DNAH17: variants seen among roughly 807,000 people sequenced by gnomAD.
DNAH17 encodes dynein axonemal heavy chain 17.
A neutral mutation model predicts 485.6 loss-of-function variants in DNAH17; 376 were observed. The ratio of observed to expected loss-of-function variants is 0.77; its 90% CI spans 0.71 to 0.84. The LOEUF (loss-of-function observed/expected upper bound fraction) is 0.84. Among genes scored for constraint, DNAH17 ranks in the 40% least tolerant of loss-of-function variants. The pLI, the probability that DNAH17 is intolerant of heterozygous loss-of-function variation, is 0.00. For synonymous variants in DNAH17, 3,031 were observed against 2,405.9 expected (o/e 1.26, Z -7.60); for missense variants, 6,370 against 5,839.3 (o/e 1.09, Z -2.96).
chr17:78,494,295 C>A, intron 40 of DNAH17, 122 bp from the exon 41 acceptor site: 1 of 1,384,496 alleles, frequency 7.2e-7, no homozygotes, highest in Non-Finnish European at 9.6e-7. Context: ...CCCTCCGATG[C>A]ACGTGCGTCT....
chr17:78,546,656 A>G (rs2091771549), intron 16 of DNAH17, among the ~76,000 whole-genome samples: 1 of 152,234 alleles, frequency 6.6e-6, no homozygotes, highest in African/African-American at 2.4e-5. Context: ...CCGTAATCTC[A>G]GAACTTTGGC....
At chr17:78,513,834 G>T (rs911229476) in intron 26 of DNAH17, among the ~76,000 whole-genome samples, 1 of 152,184 alleles carries the variant, frequency 6.6e-6, no homozygotes, top group Non-Finnish European at 1.5e-5. Flanking sequence ...TTCCTCTGCT[G>T]TAATTGTCAG....
At chr17:78,428,187 G>A in intron 77 of DNAH17, 2 of 394,498 alleles carry the variant, frequency 5.1e-6, no homozygotes, top group Non-Finnish European at 9.7e-6. Flanking sequence ...GGCCAGGCCA[G>A]GGTGGGGAAT....
chr17:78,426,506 G>GT lies in DNAH17; in HGVS notation c.12865_12866insA (p.Ser4289TyrfsTer105). 3.1e-6 allele frequency: 5 copies of GT among 1,613,424 alleles called. No homozygotes were observed. The highest frequency in any genetic ancestry group is 4.2e-6 in the Non-Finnish European group (5 of 1,179,620). ...GTACCAGGCCGCCAGGCCCATCATG[G>GT]AGGGGTAGGCCCGGGCCACCCACGT... is the stretch of plus-strand genomic sequence containing the variant. On this transcript the variant is annotated frameshift_variant, in exon 79 of 81. Transcript: ENST00000389840. LOFTEE classifies it high-confidence loss of function.
intron 56 of DNAH17, among the ~76,000 whole-genome samples, chr17:78,466,213 A>T (rs2088444950): frequency 6.6e-6 from 1 of 152,146 alleles, no homozygotes; most frequent in African/African-American, 2.4e-5. Context: ...GTGCTTTGTT[A>T]AACAGATGCT....
In DNAH17 at chr17:78,448,230, C is replaced by T. The variant is rs533317030; in HGVS notation, c.11211+1184G>A. Among the ~76,000 whole-genome samples the T allele has an allele frequency of 4.0e-5, 6 of 151,786 alleles. No individual in the cohort carries two copies. The South Asian group carries it at 1.2e-3, about 32-fold the overall frequency. The stretch of plus-strand genomic sequence containing the variant: ...AAAAAAAAAAATTAGCTAGGCACAG[C>T]AGTGTACACTTGTATTCCCAGCTAC... On this transcript the variant is annotated intron_variant, in intron 69 of 80. Transcript: ENST00000389840.
chr17:78,480,871 CCTT>C (rs1158206952), intron 48 of DNAH17, 85 bp from the exon 49 acceptor site: 15 of 900,870 alleles, frequency 1.7e-5, no homozygotes, highest in Middle Eastern at 3.2e-4. Flanking sequence ...AGAATGCCCT[CCTT>C]ATTATTATTT....
At chr17:78,490,650 C>A (rs376334772) in intron 44 of DNAH17, 49 bp downstream of exon 44, 12 of 1,559,032 alleles carry the variant, frequency 7.7e-6, no homozygotes. Context: ...CCAACAAGTT[C>A]GTTTTTCCCT....
At chr17:78,504,471 A>ACCACCCCACCCACCCCAC (rs36208944) in intron 31 of DNAH17, among the ~76,000 whole-genome samples, 1 of 150,152 alleles carries the variant, frequency 6.7e-6, no homozygotes, top group South Asian at 2.1e-4. Context: ...AGATGCTGTC[A>ACCACCCCACCCACCCCAC]CCACCCCACC....
intron 55 of DNAH17, among the ~76,000 whole-genome samples, chr17:78,468,173 T>TA (rs2088574137): frequency 1.3e-5 from 2 of 150,962 alleles, no homozygotes; most frequent in South Asian, 4.2e-4. Context: ...AAAAAAATAA[T>TA]AAAAAATAAT....
rs1253191217 is a variant in DNAH17 at position 78,506,613 on chromosome 17, A to G, written c.4803+107T>C. ...GAGGGCCTCCTGGAGATGATGGGGCACGTCCAAGGACACTTACCCCACCCT... is the reference window on the plus strand; with the variant it reads ...GAGGGCCTCCTGGAGATGATGGGGCGCGTCCAAGGACACTTACCCCACCCT... On this transcript the variant is annotated intron_variant, in intron 30 of 80. Transcript: ENST00000389840. The G allele has an allele frequency of 6.0e-6, 9 of 1,505,748 alleles. No homozygotes were observed. The African/African-American group carries it at 1.1e-4, about 18-fold the overall frequency. 93.3% of individuals were successfully genotyped at this position (1,505,748 alleles called of 1,614,324 possible).
rs1598534063 is a variant in DNAH17 at position 78,478,912 on chromosome 17, C to A, written c.7992+113G>T. The A allele has an allele frequency of 3.8e-6, 3 of 792,952 alleles. No homozygotes were observed. In the South Asian group the frequency reaches 5.2e-5, roughly 14 times the overall value. 49.1% of individuals were successfully genotyped at this position (792,952 alleles called of 1,614,324 possible). A position where few individuals can be genotyped will look rare whatever the true frequency, so the allele number is the denominator to read the frequency against. Reference sequence around the variant, plus strand: ...ATTATTATCATCATTATCATTACCACCATCACCACCATCATCAGTCCACAC... The same window carrying A: ...ATTATTATCATCATTATCATTACCAACATCACCACCATCATCAGTCCACAC... On this transcript the variant is annotated intron_variant, in intron 51 of 80. Transcript: ENST00000389840.
Position 78,479,085 on chromosome 17 carries a change from A to C in DNAH17, c.7932T>G (p.Leu2644=), listed in dbSNP as rs999209053. 5.0e-6 allele frequency: 8 copies of C among 1,613,908 alleles called. No homozygotes were observed. The African/African-American group carries it at 1.1e-4, about 22-fold the overall frequency. ...CATAATGAAACTTAATGGCCGTGGG[A>C]AGAAATGTTGCCGTGATTTTCTGAT... ...ALHQKITATF[L]PTAIKFHYVF... Residue 2644 remains leucine, a synonymous_variant, in exon 51 of 81, where the codon CTT becomes CTG. Coordinates refer to ENST00000389840, the MANE Select transcript of DNAH17 (RefSeq NM_173628.4).
At chr17:78,566,878 G>T in intron 10 of DNAH17, 121 bp downstream of exon 10, 1 of 1,359,288 alleles carries the variant, frequency 7.4e-7, no homozygotes, top group East Asian at 2.5e-5. Flanking sequence ...AGTTTTCAAA[G>T]TGTTGGGATC....
chr17:78,495,561 C>G (rs2090040191), intron 38 of DNAH17, among the ~76,000 whole-genome samples: 2 of 151,956 alleles, frequency 1.3e-5, no homozygotes, highest in Non-Finnish European at 2.9e-5. Flanking sequence ...CCTCAGCCTC[C>G]TGAGTAGCTG....
chr17:78,498,161 A>G (rs2090140862), intron 37 of DNAH17, among the ~76,000 whole-genome samples: 1 of 114,334 alleles, frequency 8.7e-6, no homozygotes, highest in Non-Finnish European at 1.7e-5. Context: ...AAACATAAAT[A>G]AATAAATAAA....
intron 74 of DNAH17, among the ~76,000 whole-genome samples, chr17:78,437,286 C>T (rs1422466785): frequency 1.3e-5 from 2 of 152,160 alleles, no homozygotes; most frequent in South Asian, 2.1e-4. Flanking sequence ...GAGTACCCCA[C>T]GGAGCTTGGC....
intron 69 of DNAH17, among the ~76,000 whole-genome samples, chr17:78,446,816 G>C (rs929524755): frequency 6.6e-6 from 1 of 151,910 alleles, no homozygotes; most frequent in Non-Finnish European, 1.5e-5. Context: ...GCTAATTTTT[G>C]CATTTTTTGT....
In DNAH17 at chr17:78,425,557, C is replaced by G; in HGVS notation, c.12930G>C (p.Trp4310Cys). 6.2e-7 allele frequency: 1 copy of G among 1,610,478 alleles called. No individual in the cohort carries two copies. ...TGGTGGGCAGGGCAAAGTCTGTCGT[C>G]CAGGCCTCGAGTTCCTGCAAGGACA... ...LLLRIRELEAWTTDFALPTTV... is the reference protein window; with the variant it reads ...LLLRIRELEACTTDFALPTTV... The change falls in exon 80 of 81, where the codon TGG becomes TGC. Residue 4310 changes from tryptophan to cysteine, a missense_variant. By Grantham distance (215) the Trp-to-Cys change is radical. Transcript: ENST00000389840.
Sources: allele counts gnomAD v4.1 joint callset (sites outside exome capture counted in the v4.1 genomes callset), GRCh38; gene constraint gnomAD v4.1.1; transcripts MANE v1.5; gene names NCBI Gene and HGNC (gene_info 2026-07-23, HGNC 2026-07-21).